ROBO2: variants seen among roughly 807,000 people sequenced by gnomAD.
ROBO2 encodes roundabout homolog 2.
A neutral mutation model predicts 160.8 loss-of-function variants in ROBO2; 53 were observed. The ratio of observed to expected loss-of-function variants is 0.33; its 90% CI spans 0.26 to 0.41. ROBO2 has a LOEUF of 0.41. Ranked by LOEUF, ROBO2 falls within the 10% of genes least tolerant of loss-of-function variation. The pLI is 1.00. For synonymous variants in ROBO2, 664 were observed against 611.7 expected, an observed-to-expected ratio of 1.09 and a Z score of -1.26; for missense variants, 1,577 against 1,722.4, an observed-to-expected ratio of 0.92 and a Z score of 1.49.
chr3:77,043,019 G>A (rs1447810597), intron 1 of ROBO2, among the ~76,000 whole-genome samples: 1 of 152,202 alleles, frequency 6.6e-6, no homozygotes, highest in Non-Finnish European at 1.5e-5. Context: ...AAATTAATAT[G>A]TAAATCATAC....
intron 13 of ROBO2, 27 bp downstream of exon 14, chr3:77,568,461 G>A (rs755712913): frequency 1.9e-6 from 3 of 1,612,040 alleles, no homozygotes; most frequent in Admixed American, 1.7e-5. Flanking sequence ...AATGTTAATA[G>A]TAATCTCTTC....
At chr3:76,305,587 C>T (rs1455073494) in intron 2 of ROBO2, among the ~76,000 whole-genome samples, 1 of 151,284 alleles carries the variant, frequency 6.6e-6, no homozygotes, top group African/African-American at 2.4e-5. Flanking sequence ...GGTAAAACCC[C>T]ATCTCTGCTA....
intron 2 of ROBO2, among the ~76,000 whole-genome samples, chr3:76,066,684 C>T (rs1234492999): frequency 6.6e-6 from 1 of 151,874 alleles, no homozygotes; most frequent in Non-Finnish European, 1.5e-5. Flanking sequence ...GGAATGCAAT[C>T]AGTTAGACTG....
At chr3:77,396,323 A>G (rs549144505) in intron 2 of ROBO2, among the ~76,000 whole-genome samples, 1 of 152,274 alleles carries the variant, frequency 6.6e-6, no homozygotes, top group South Asian at 2.1e-4. Flanking sequence ...TACACTTCAA[A>G]TAAATTTATT....
At position 77,042,997 on chromosome 3, in the gene ROBO2, G is replaced by T. The variant is rs553349284; in HGVS notation, c.61+2151G>T. Among the ~76,000 whole-genome samples the T allele has an allele frequency of 2.6e-5, 4 of 152,312 alleles. No homozygotes were observed. The South Asian group carries it at 8.3e-4, about 32-fold the overall frequency. ...TGTGTCAAAAGCAAAGGAAACCCTG[G>T]ACACTCTTACTAAATTAATATGTAA... On this transcript the variant is annotated intron_variant, in intron 1 of 25. Coordinates refer to ENST00000461745, the Ensembl canonical transcript of ROBO2.
At chr3:76,276,491 A>AT (rs1192500252) in intron 2 of ROBO2, among the ~76,000 whole-genome samples, 1 of 151,976 alleles carries the variant, frequency 6.6e-6, no homozygotes, top group African/African-American at 2.4e-5. Context: ...GTTTACAGTC[A>AT]TTTTTTTCTT....
chr3:76,683,033 G>A (rs1016544091), intron 2 of ROBO2, among the ~76,000 whole-genome samples: 1 of 152,110 alleles, frequency 6.6e-6, no homozygotes, highest in Non-Finnish European at 1.5e-5. Flanking sequence ...AGGATCAGAT[G>A]TGAGCCTTAC....
At chr3:76,629,404 T>C (rs1228785018) in intron 2 of ROBO2, among the ~76,000 whole-genome samples, 1 of 152,096 alleles carries the variant, frequency 6.6e-6, no homozygotes, top group East Asian at 1.9e-4. Context: ...GGTCCCACAA[T>C]AGGCCCTCTG....
chr3:77,137,132 G>T (rs555396057), intron 2 of ROBO2, among the ~76,000 whole-genome samples: 1 of 152,146 alleles, frequency 6.6e-6, no homozygotes, highest in Admixed American at 6.5e-5. Context: ...TTATTCTCAC[G>T]ACTCTTATTG....
chr3:76,317,987 T>A (rs568844005), intron 2 of ROBO2, among the ~76,000 whole-genome samples: 23 of 152,180 alleles, frequency 1.5e-4, no homozygotes, highest in African/African-American at 3.6e-4. Context: ...TTCACTTTTT[T>A]AAATTTTGAC....
chr3:76,900,317 T>G (rs1260854449), intron 2 of ROBO2, among the ~76,000 whole-genome samples: 1 of 152,146 alleles, frequency 6.6e-6, no homozygotes, highest in Non-Finnish European at 1.5e-5. Context: ...AGAGTGGAAG[T>G]GGCCTCTTTC....
chr3:76,429,653 T>C (rs1033256610), intron 2 of ROBO2, among the ~76,000 whole-genome samples: 1 of 152,182 alleles, frequency 6.6e-6, no homozygotes, highest in African/African-American at 2.4e-5. Flanking sequence ...CCAATTTAAA[T>C]TTAATGAGCT....
intron 2 of ROBO2, among the ~76,000 whole-genome samples, chr3:76,712,166 G>A (rs962689054): frequency 6.6e-6 from 1 of 152,006 alleles, no homozygotes; most frequent in African/African-American, 2.4e-5. Flanking sequence ...TTTAAAATTA[G>A]GTTTATATAT....
chr3:77,503,056 T>G, intron 5 of ROBO2, among the ~76,000 whole-genome samples: 1 of 152,042 alleles, frequency 6.6e-6, no homozygotes, highest in African/African-American at 2.4e-5. Flanking sequence ...TATTTTAAAA[T>G]AATTTAAATA....
At chr3:76,826,498 C>T (rs571526385) in intron 2 of ROBO2, among the ~76,000 whole-genome samples, 3 of 152,124 alleles carry the variant, frequency 2.0e-5, no homozygotes, top group South Asian at 4.2e-4. Flanking sequence ...TCAGGTAATG[C>T]CCATGCATAC....
intron 6 of ROBO2, among the ~76,000 whole-genome samples, chr3:77,540,963 C>A (rs1016203467): frequency 6.6e-6 from 1 of 152,006 alleles, no homozygotes; most frequent in Non-Finnish European, 1.5e-5. Context: ...TTAACTCAAG[C>A]ATATGAAGGA....
intron 2 of ROBO2, among the ~76,000 whole-genome samples, chr3:77,206,978 T>G (rs2083524393): frequency 6.6e-6 from 1 of 152,154 alleles, no homozygotes; most frequent in Non-Finnish European, 1.5e-5. Flanking sequence ...CTGCTTTCAT[T>G]AATGGATTGG....
chr3:76,281,638 TA>T (rs5850245), intron 2 of ROBO2, among the ~76,000 whole-genome samples: 150,878 of 151,046 alleles, frequency 1, 75,355 homozygotes, highest in Non-Finnish European at 1. Flanking sequence ...TGCTGGGAAA[TA>T]AAAAAAAAAA....
At chr3:77,211,934 AAC>A (rs2084231435) in intron 2 of ROBO2, among the ~76,000 whole-genome samples, 5 of 152,246 alleles carry the variant, frequency 3.3e-5, no homozygotes, top group Admixed American at 1.3e-4. Context: ...ATTGGTCTAT[AAC>A]TCTGTTTTGG....
Sources: allele counts gnomAD v4.1 joint callset (sites outside exome capture counted in the v4.1 genomes callset), GRCh38; gene constraint gnomAD v4.1.1; transcripts MANE v1.5; gene names NCBI Gene and HGNC (gene_info 2026-07-23, HGNC 2026-07-21).